Variants in KIAA1217 observed in about 807,000 individuals in gnomAD.
The protein encoded by KIAA1217 is sickle tail protein homolog.
KIAA1217 carries 88 observed loss-of-function variants against 163.9 expected under a neutral mutation model. The ratio of observed to expected loss-of-function variants is 0.54; its 90% CI spans 0.45 to 0.64. KIAA1217 has a LOEUF of 0.64. Among genes scored for constraint, KIAA1217 ranks in the 30% least tolerant of loss-of-function variants. The pLI is 0.00. For synonymous variants in KIAA1217, 903 were observed against 923.1 expected (o/e 0.98, Z 0.39); for missense variants, 2,372 against 2,475.0 (o/e 0.96, Z 0.88).
At chr10:24,426,745 G>A (rs184164315) in intron 3 of KIAA1217, among the ~76,000 whole-genome samples, 9 of 152,304 alleles carry the variant, frequency 5.9e-5, no homozygotes, top group Non-Finnish European at 1.3e-4. Context: ...AGATTGTTCA[G>A]AGGACTTGAT....
intron 1 of KIAA1217, among the ~76,000 whole-genome samples, chr10:23,869,820 G>A (rs910659344): frequency 6.6e-6 from 1 of 152,058 alleles, no homozygotes; most frequent in Non-Finnish European, 1.5e-5. Context: ...TTCCCAGGAA[G>A]TTCCTGGGTA....
chr10:23,703,537 T>C (rs1836634835), intron 1 of KIAA1217, among the ~76,000 whole-genome samples: 1 of 152,198 alleles, frequency 6.6e-6, no homozygotes. Flanking sequence ...TTGAACTGTT[T>C]GCCAATTTCT....
chr10:23,942,347 AT>A (rs1295733723), intron 1 of KIAA1217, among the ~76,000 whole-genome samples: 131 of 152,322 alleles, frequency 8.6e-4, no homozygotes, highest in African/African-American at 3.0e-3. Context: ...CAGAAGAGAA[AT>A]GAAAACTTTC....
chr10:24,492,454 C>T (rs1265359615), intron 6 of KIAA1217, among the ~76,000 whole-genome samples: 2 of 152,242 alleles, frequency 1.3e-5, no homozygotes, highest in East Asian at 1.9e-4. Context: ...CCACACTCAC[C>T]GTTTGAGATT....
intron 1 of KIAA1217, among the ~76,000 whole-genome samples, chr10:23,724,140 T>C (rs1838010954): frequency 6.6e-6 from 1 of 152,154 alleles, no homozygotes; most frequent in Admixed American, 6.6e-5. Context: ...TCATGGGAAA[T>C]CTACCTGCAT....
chr10:23,864,440 C>T (rs1840089228), intron 1 of KIAA1217, among the ~76,000 whole-genome samples: 1 of 151,752 alleles, frequency 6.6e-6, no homozygotes, highest in South Asian at 2.1e-4. Flanking sequence ...TATATACTTG[C>T]AGTTTTACTG....
intron 9 of KIAA1217, among the ~76,000 whole-genome samples, chr10:24,502,267 T>C (rs866476395): frequency 6.0e-5 from 9 of 151,040 alleles, no homozygotes; most frequent in Non-Finnish European, 1.2e-4. Context: ...TTTTTCATTT[T>C]TTTTGCAAGG....
intron 2 of KIAA1217, among the ~76,000 whole-genome samples, chr10:24,369,711 C>A (rs1440146095): frequency 1.3e-5 from 2 of 152,146 alleles, no homozygotes; most frequent in Non-Finnish European, 2.9e-5. Flanking sequence ...AGGCTACAAG[C>A]AGGTTTCTTT....
chr10:24,069,370 G>T (rs2061096182), intron 2 of KIAA1217, among the ~76,000 whole-genome samples: 1 of 152,168 alleles, frequency 6.6e-6, no homozygotes, highest in Non-Finnish European at 1.5e-5. Flanking sequence ...GAGTTGTAAT[G>T]AGTGCCTGCT....
intron 1 of KIAA1217, among the ~76,000 whole-genome samples, chr10:23,776,356 A>T (rs956616879): frequency 1.3e-5 from 1 of 78,678 alleles, no homozygotes; most frequent in African/African-American, 6.6e-5. Context: ...ATATATATAT[A>T]TATTTACAAT....
chr10:23,983,368 A>G (rs755582586), intron 1 of KIAA1217, among the ~76,000 whole-genome samples: 1 of 152,212 alleles, frequency 6.6e-6, no homozygotes, highest in African/African-American at 2.4e-5. Context: ...TAATTGGCTC[A>G]TGATTCTGCA....
chr10:23,827,379 G>A (rs1837944756), intron 1 of KIAA1217, among the ~76,000 whole-genome samples: 1 of 152,146 alleles, frequency 6.6e-6, no homozygotes, highest in South Asian at 2.1e-4. Context: ...TTGATTTCTT[G>A]CACCTGTCCT....
intron 3 of KIAA1217, among the ~76,000 whole-genome samples, chr10:24,387,712 G>A (rs1261767070): frequency 2.0e-5 from 3 of 152,052 alleles, no homozygotes; most frequent in Admixed American, 2.0e-4. Context: ...AAAGTCTCAG[G>A]ATACAAAATC....
chr10:23,801,735 A>C (rs990242073), intron 1 of KIAA1217, among the ~76,000 whole-genome samples: 4 of 152,176 alleles, frequency 2.6e-5, no homozygotes, highest in Admixed American at 2.6e-4. Context: ...AAGATTAGGA[A>C]CTCAAGACCT....
chr10:24,393,150 C>T (rs1055118878), intron 3 of KIAA1217, among the ~76,000 whole-genome samples: 14 of 152,186 alleles, frequency 9.2e-5, no homozygotes, highest in South Asian at 2.1e-4. Context: ...TTGGTGTTCT[C>T]ATCCTAGCAG....
At chr10:24,399,574 A>G (rs10160139) in intron 3 of KIAA1217, among the ~76,000 whole-genome samples, 4,105 of 152,278 alleles carry the variant, frequency 0.027, 205 homozygotes, top group African/African-American at 0.094. Flanking sequence ...TCTAAATTCT[A>G]ATGGCCACTC....
At chr10:24,109,136 T>C (rs1169044819) in intron 2 of KIAA1217, among the ~76,000 whole-genome samples, 2 of 152,180 alleles carry the variant, frequency 1.3e-5, no homozygotes, top group Non-Finnish European at 2.9e-5. Flanking sequence ...TGGCCAAGAC[T>C]GGGTATATTT....
rs139162229 is a variant in KIAA1217 at position 24,016,161 on chromosome 10, T to C, written c.-171+8787T>C. Reference sequence around the variant, plus strand: ...GTGATCTAACTGGGCTTTCTGGTGATGGTCTCCTCTAGGCTGCTATAGTAA... The same window carrying C: ...GTGATCTAACTGGGCTTTCTGGTGACGGTCTCCTCTAGGCTGCTATAGTAA... On this transcript the variant is annotated intron_variant, in intron 2 of 18. Transcript: ENST00000376462. Among the ~76,000 whole-genome samples, 659 of 152,270 alleles carry C rather than the reference T, an allele frequency of 4.3e-3. 6 individuals carry two copies. Among genetic ancestry groups the C allele is most frequent in the Non-Finnish European group, 6.8e-3 (465 of 68,004 alleles).
intron 1 of KIAA1217, among the ~76,000 whole-genome samples, chr10:23,943,749 G>C (rs1047447248): frequency 1.3e-5 from 2 of 152,222 alleles, no homozygotes; most frequent in Non-Finnish European, 2.9e-5. Context: ...AATCAGGACA[G>C]TATGGCAGTG....
Sources: gnomAD v4.1 joint callset for allele counts (sites outside exome capture counted in the v4.1 genomes callset) on GRCh38, gnomAD v4.1.1 for gene constraint, MANE v1.5 for transcripts, NCBI Gene and HGNC (gene_info 2026-07-23, HGNC 2026-07-21) for gene names.